Variants in COPS3 observed in about 807,000 individuals in gnomAD.
COPS3 encodes COP9 signalosome complex subunit 3.
COPS3 carries 10 observed loss-of-function variants against 58.2 expected under a neutral mutation model. The observed-to-expected ratio is 0.17, with a 90% CI of 0.11 to 0.29. The LOEUF is 0.29. Ranked by LOEUF, COPS3 falls within the 10% of genes least tolerant of loss-of-function variation. The pLI is 1.00. For synonymous variants in COPS3, 187 were observed against 181.7 expected (o/e 1.03, Z -0.24); for missense variants, 333 against 510.1 (o/e 0.65, Z 3.34).
At chr17:17,280,330 A>G (rs6502571) in intron 1 of COPS3, among the ~76,000 whole-genome samples, 106,877 of 150,956 alleles carry the variant, frequency 0.71, 38,023 homozygotes, top group East Asian at 0.85. Flanking sequence ...TTGAACCTCG[A>G]AGGCGAAGGT....
In COPS3 at chr17:17,281,218, C is replaced by G; in HGVS notation, c.-32G>C. ...CCCCGGGCGGCCCGAGCGGCGAAGGCAGCACGCGCGGGAAAAGGCTGCCGC... is the reference window on the plus strand; with the variant it reads ...CCCCGGGCGGCCCGAGCGGCGAAGGGAGCACGCGCGGGAAAAGGCTGCCGC... On this transcript the variant is annotated 5_prime_UTR_variant, in exon 1 of 12. Transcript: ENST00000268717. The G allele has an allele frequency of 6.3e-7, 1 of 1,599,554 alleles. No individual in the cohort carries two copies.
rs905633666 is a variant in COPS3, at chr17:17,270,941, T to C, written c.253A>G (p.Ile85Val). ...ETLFSQVQLF[I>V]STCNGEHIRY... ...ATGTGCTCCCCATTACAAGTGCTGA[T>C]GAAGAGCTGAACCTGTGAGAATAGC... Residue 85 changes from isoleucine to valine, a missense_variant, in exon 3 of 12, where the codon ATC becomes GTC. Transcript: ENST00000268717. 1.9e-6 allele frequency: 3 copies of C among 1,613,934 alleles called. No individual in the cohort carries two copies. The highest frequency in any genetic ancestry group is 2.5e-6 in the Non-Finnish European group (3 of 1,180,018).
At chr17:17,257,246 C>T (rs1193185684) in intron 8 of COPS3, among the ~76,000 whole-genome samples, 1 of 151,858 alleles carries the variant, frequency 6.6e-6, no homozygotes. Flanking sequence ...CACCTGTAGT[C>T]CCAGCTACTC....
chr17:17,270,882 G>A lies in COPS3; in HGVS notation c.298+14C>T. 6.2e-7 allele frequency: 1 copy of A among 1,610,020 alleles called. No individual in the cohort carries two copies. Among genetic ancestry groups the A allele is most frequent in the Non-Finnish European group, 8.5e-7 (1 of 1,176,994 alleles). On this transcript the variant is annotated intron_variant, in intron 3 of 11. Coordinates refer to ENST00000268717, the MANE Select transcript of COPS3 (RefSeq NM_003653.4). The stretch of plus-strand genomic sequence containing the variant: ...AAATATTTTCAATGGAGAATAAAAT[G>A]TTATTTAGCTTACAAGTGTCTGTTG...
At chr17:17,256,323 A>T (rs1466163713) in intron 8 of COPS3, among the ~76,000 whole-genome samples, 1 of 152,142 alleles carries the variant, frequency 6.6e-6, no homozygotes, top group East Asian at 1.9e-4. Flanking sequence ...CATCTTTTGA[A>T]TTTTGTATTA....
chr17:17,259,784 C>T (rs1468406806), intron 8 of COPS3, among the ~76,000 whole-genome samples: 1 of 151,958 alleles, frequency 6.6e-6, no homozygotes, highest in East Asian at 1.9e-4. Flanking sequence ...GTCCCAGCTG[C>T]TTGGGAGGCT....
intron 8 of COPS3, among the ~76,000 whole-genome samples, chr17:17,257,722 G>A (rs577940170): frequency 3.3e-5 from 5 of 150,656 alleles, no homozygotes; most frequent in Non-Finnish European, 7.4e-5. Context: ...GCGTGAACCC[G>A]GGAGGTGGAG....
In COPS3 at chr17:17,267,982, C is replaced by A; in HGVS notation, c.349-5G>T. On this transcript the variant is annotated splice_polypyrimidine_tract_variant and splice_region_variant and intron_variant, in intron 4 of 11. Transcript: ENST00000268717. ...GATGCCAATTCCTCGCAGGGGCTGT[C>A]AGAAATGACATCTCTTTCAGATAAG... is the stretch of plus-strand genomic sequence containing the variant. The A allele has an allele frequency of 6.2e-7, 1 of 1,613,512 alleles. No individual in the cohort carries two copies. Among genetic ancestry groups the A allele is most frequent in the Non-Finnish European group, 8.5e-7 (1 of 1,179,766 alleles).
At chr17:17,252,034 A>C (rs1037948869) in intron 9 of COPS3, among the ~76,000 whole-genome samples, 2 of 151,336 alleles carry the variant, frequency 1.3e-5, no homozygotes, top group South Asian at 2.1e-4. Flanking sequence ...GCACCACTGC[A>C]CTCCAGCCTG....
At chr17:17,275,119 C>T (rs1257454709) in intron 2 of COPS3, among the ~76,000 whole-genome samples, 3 of 147,588 alleles carry the variant, frequency 2.0e-5, no homozygotes, top group Non-Finnish European at 3.0e-5. Flanking sequence ...TTGAGAGAGT[C>T]TCCCTCTGTC....
intron 5 of COPS3, among the ~76,000 whole-genome samples, chr17:17,267,327 CAAA>C (rs778325363): frequency 6.0e-5 from 3 of 50,372 alleles, no homozygotes; most frequent in Admixed American, 2.3e-4. Context: ...GACTCCGTCT[CAAA>C]AAAAAAAAAA....
chr17:17,260,551 C>G, intron 7 of COPS3, 77 bp from the exon 8 acceptor site: 1 of 1,442,878 alleles, frequency 6.9e-7, no homozygotes, highest in Non-Finnish European at 9.6e-7. Context: ...CGCCTGTAAT[C>G]TCAACACTTT....
chr17:17,273,743 T>G (rs1473697924), intron 2 of COPS3, among the ~76,000 whole-genome samples: 9 of 152,278 alleles, frequency 5.9e-5, no homozygotes, highest in Admixed American at 1.3e-4. Flanking sequence ...TCCTGGCTAC[T>G]CAGGAGGCTG....
intron 8 of COPS3, among the ~76,000 whole-genome samples, chr17:17,257,614 G>A (rs556355539): frequency 1.3e-5 from 2 of 151,170 alleles, no homozygotes; most frequent in Non-Finnish European, 3.0e-5. Context: ...TAGCTAACAC[G>A]GTGAAACCCC....
At chr17:17,250,587 G>C (rs1373159796) in intron 9 of COPS3, among the ~76,000 whole-genome samples, 1 of 152,080 alleles carries the variant, frequency 6.6e-6, no homozygotes, top group Non-Finnish European at 1.5e-5. Context: ...GTAGATTCAA[G>C]GTCTATATAT....
At position 17,264,999 on chromosome 17, in the gene COPS3, T is replaced by C. The variant is rs1466765706; in HGVS notation, c.442-18A>G. On this transcript the variant is annotated intron_variant, in intron 5 of 11. Transcript: ENST00000268717. ...AAACAAAGCTGTGAACAAATTGATA[T>C]TAAATCATCACTTTAATTTTACTTA... is the stretch of plus-strand genomic sequence containing the variant. 6.3e-7 allele frequency: 1 copy of C among 1,598,314 alleles called. No individual in the cohort carries two copies. Among genetic ancestry groups the C allele is most frequent in the South Asian group, 1.1e-5 (1 of 88,392 alleles).
intron 9 of COPS3, among the ~76,000 whole-genome samples, chr17:17,251,050 A>G: frequency 6.6e-6 from 1 of 152,310 alleles, no homozygotes; most frequent in South Asian, 2.1e-4. Flanking sequence ...GCTGGAGTGC[A>G]GTGGCGCAAT....
intron 9 of COPS3, among the ~76,000 whole-genome samples, chr17:17,253,338 G>T (rs767514009): frequency 1.3e-5 from 2 of 152,204 alleles, no homozygotes; most frequent in African/African-American, 2.4e-5. Context: ...ACTAAAACCA[G>T]ATCAGAACTA....
At chr17:17,262,543 C>T (rs778535451) in intron 6 of COPS3, among the ~76,000 whole-genome samples, 3 of 152,024 alleles carry the variant, frequency 2.0e-5, no homozygotes, top group Non-Finnish European at 4.4e-5. Context: ...ACCTGGCTAA[C>T]ACAGTGAAAC....
Sources: allele counts gnomAD v4.1 joint callset (sites outside exome capture counted in the v4.1 genomes callset), GRCh38; gene constraint gnomAD v4.1.1; transcripts MANE v1.5; gene names NCBI Gene and HGNC (gene_info 2026-07-23, HGNC 2026-07-21).